The following MARCHF1 variants were observed in gnomAD, a reference collection of about 807,000 sequenced individuals.
MARCHF1 encodes membrane associated ring-CH-type finger 1, also known as E3 ubiquitin-protein ligase MARCHF1.
Under a neutral mutation model 54.2 loss-of-function variants are expected in MARCHF1, and 40 were observed. The observed-to-expected ratio is 0.74, with a 90% CI of 0.57 to 0.96. The LOEUF is 0.96. MARCHF1 is among the 40% of genes least tolerant of loss of function. The pLI is 0.00. For synonymous variants in MARCHF1, 236 were observed against 236.3 expected (o/e 1.00, Z 0.01); for missense variants, 586 against 656.5 (o/e 0.89, Z 1.17).
At chr4:163,903,432 T>G (rs114335055) in intron 3 of MARCHF1, among the ~76,000 whole-genome samples, 3 of 152,300 alleles carry the variant, frequency 2.0e-5, no homozygotes, top group African/African-American at 7.2e-5. Context: ...GAGATAAGCA[T>G]AGAGATTTTC....
chr4:164,124,328 G>T (rs2110788170), intron 1 of MARCHF1, among the ~76,000 whole-genome samples: 1 of 152,216 alleles, frequency 6.6e-6, no homozygotes, highest in African/African-American at 2.4e-5. Flanking sequence ...CACTGTTGGT[G>T]GGAATGTAAA....
intron 1 of MARCHF1, among the ~76,000 whole-genome samples, chr4:164,284,543 C>T (rs1734101080): frequency 6.6e-6 from 1 of 150,980 alleles, no homozygotes; most frequent in Non-Finnish European, 1.5e-5. Flanking sequence ...CTTGAAAAAG[C>T]TGAAAAACTA....
At chr4:164,330,455 A>G (rs1735406171) in intron 1 of MARCHF1, among the ~76,000 whole-genome samples, 2 of 152,328 alleles carry the variant, frequency 1.3e-5, no homozygotes, top group Middle Eastern at 6.8e-3. Context: ...ACAGACAGAC[A>G]TATGTCCATA....
At chr4:164,076,709 T>C (rs1457026350) in intron 2 of MARCHF1, among the ~76,000 whole-genome samples, 1 of 152,182 alleles carries the variant, frequency 6.6e-6, no homozygotes, top group Non-Finnish European at 1.5e-5. Flanking sequence ...AAAATCAATG[T>C]GCAAAAATCA....
At chr4:163,656,175 G>T (rs1487392704) in intron 5 of MARCHF1, among the ~76,000 whole-genome samples, 3 of 143,938 alleles carry the variant, frequency 2.1e-5, no homozygotes, top group Admixed American at 2.1e-4. Context: ...AAATGAAGAA[G>T]AAAAGAAATT....
chr4:163,793,755 C>A (rs1561080579), intron 4 of MARCHF1, among the ~76,000 whole-genome samples: 1 of 152,090 alleles, frequency 6.6e-6, no homozygotes, highest in Non-Finnish European at 1.5e-5. Flanking sequence ...AAATCCGTGT[C>A]CTGTTCTGTT....
rs1747113104 is a variant in MARCHF1 at position 163,770,166 on chromosome 4, TCAA to T, written c.112-69306_112-69304del. On this transcript the variant is annotated intron_variant, in intron 4 of 9. Transcript: ENST00000514618. Reference sequence around the variant, plus strand: ...ACTATGTTGTCAGTAAGGGTTATGGTCAACAATAGGCTATTGGTAGGGCAAGTT... The same window carrying T: ...ACTATGTTGTCAGTAAGGGTTATGGTCAATAGGCTATTGGTAGGGCAAGTT... Among the ~76,000 whole-genome samples the T allele has an allele frequency of 6.6e-5, 10 of 152,270 alleles. No homozygotes were observed. In the South Asian group the frequency reaches 2.1e-3, roughly 32 times the overall value.
At chr4:164,068,677 G>A (rs1381517485) in intron 2 of MARCHF1, among the ~76,000 whole-genome samples, 2 of 152,132 alleles carry the variant, frequency 1.3e-5, no homozygotes, top group Non-Finnish European at 2.9e-5. Context: ...CCTCCCTGAC[G>A]AGTGCCGCCC....
intron 3 of MARCHF1, among the ~76,000 whole-genome samples, chr4:163,958,423 A>G (rs1279182066): frequency 6.6e-6 from 1 of 152,086 alleles, no homozygotes; most frequent in Non-Finnish European, 1.5e-5. Flanking sequence ...CTTAAAACAT[A>G]CAATGTAGCA....
chr4:163,950,702 A>T (rs1310988905), intron 3 of MARCHF1, among the ~76,000 whole-genome samples: 1 of 152,222 alleles, frequency 6.6e-6, no homozygotes, highest in East Asian at 1.9e-4. Flanking sequence ...ATAGGCTACT[A>T]CCTGTGATAC....
At chr4:164,110,833 A>C (rs1755819866) in intron 2 of MARCHF1, among the ~76,000 whole-genome samples, 1 of 151,810 alleles carries the variant, frequency 6.6e-6, no homozygotes, top group African/African-American at 2.4e-5. Flanking sequence ...CAATATCAGA[A>C]AGCAGTTTGT....
chr4:163,632,556 C>T (rs1408570985), intron 5 of MARCHF1, among the ~76,000 whole-genome samples: 1 of 152,210 alleles, frequency 6.6e-6, no homozygotes, highest in Non-Finnish European at 1.5e-5. Flanking sequence ...AAAAACGGCG[C>T]ACCACAAGAT....
chr4:163,841,400 T>C (rs994346160), intron 4 of MARCHF1, among the ~76,000 whole-genome samples: 2 of 152,002 alleles, frequency 1.3e-5, no homozygotes, highest in African/African-American at 2.4e-5. Context: ...CTATACCTTT[T>C]GCTCAGTATT....
At chr4:163,923,460 A>G (rs1005989976) in intron 3 of MARCHF1, among the ~76,000 whole-genome samples, 2 of 152,104 alleles carry the variant, frequency 1.3e-5, no homozygotes, top group Admixed American at 1.3e-4. Flanking sequence ...TATGGAAAAT[A>G]TAAAGTAGTT....
At chr4:164,026,873 TA>T (rs1485280639) in intron 2 of MARCHF1, among the ~76,000 whole-genome samples, 1 of 151,956 alleles carries the variant, frequency 6.6e-6, no homozygotes, top group East Asian at 1.9e-4. Context: ...TGGAATAAAA[TA>T]AATGACCAGT....
rs185688810 is a variant in MARCHF1 at position 163,867,606 on chromosome 4, A to G, written c.-38-13437T>C. Among the ~76,000 whole-genome samples, 8 of 151,918 alleles carry G rather than the reference A, an allele frequency of 5.3e-5. No individual in the cohort carries two copies. In the East Asian group the frequency reaches 1.5e-3, roughly 29 times the overall value. On this transcript the variant is annotated intron_variant, in intron 3 of 9. Coordinates refer to ENST00000514618, the MANE Select transcript of MARCHF1 (RefSeq NM_001394959.1). ...ACTTTACCTGAAAAATGACTCAGATACTGACTACCAAGGCTTTCTTTTTTT... is the reference window on the plus strand; with the variant it reads ...ACTTTACCTGAAAAATGACTCAGATGCTGACTACCAAGGCTTTCTTTTTTT...
At chr4:163,966,927 A>G (rs1752453982) in intron 3 of MARCHF1, among the ~76,000 whole-genome samples, 1 of 152,182 alleles carries the variant, frequency 6.6e-6, no homozygotes. Flanking sequence ...TTCTGATTCT[A>G]TAAGATGAAA....
intron 2 of MARCHF1, among the ~76,000 whole-genome samples, chr4:164,069,711 T>A (rs1754820504): frequency 6.6e-6 from 1 of 152,102 alleles, no homozygotes; most frequent in Non-Finnish European, 1.5e-5. Context: ...ATGGCTTCAT[T>A]CTTGAAGTCA....
chr4:163,955,980 T>A (rs2110796421), intron 3 of MARCHF1, among the ~76,000 whole-genome samples: 1 of 152,144 alleles, frequency 6.6e-6, no homozygotes, highest in Non-Finnish European at 1.5e-5. Context: ...CTGAATTGGA[T>A]CCTGGAATAG....
Sources: allele counts gnomAD v4.1 joint callset (sites outside exome capture counted in the v4.1 genomes callset), GRCh38; gene constraint gnomAD v4.1.1; transcripts MANE v1.5; gene names NCBI Gene and HGNC (gene_info 2026-07-23, HGNC 2026-07-21).